The following JAKMIP3 variants were observed in gnomAD, a reference collection of about 807,000 sequenced individuals.
The protein encoded by JAKMIP3 is Janus kinase and microtubule interacting protein 3.
Under a neutral mutation model 118.5 loss-of-function variants are expected in JAKMIP3, and 58 were observed. The ratio of observed to expected loss-of-function variants is 0.49; its 90% CI spans 0.40 to 0.61. The LOEUF (loss-of-function observed/expected upper bound fraction) is 0.61. JAKMIP3 is among the 20% of genes least tolerant of loss of function. The pLI is 0.00. For synonymous variants in JAKMIP3, 486 were observed against 451.2 expected (o/e 1.08, Z -0.98); for missense variants, 950 against 1,109.0 (o/e 0.86, Z 2.04).
chr10:132,112,799 G>A lies in JAKMIP3; in HGVS notation c.136-4278G>A, dbSNP rs1165952519. On this transcript the variant is annotated intron_variant, in intron 2 of 23. Coordinates refer to ENST00000684848, the MANE Select transcript of JAKMIP3 (RefSeq NM_001323087.2). This position sits in a 1 kb window ranked among gnomAD's most constrained non-coding sequence, Gnocchi z 4.3. ...CCCCTTGGACACCGGCTCACATGGT[G>A]GACGCATCTGACTCTCCAGCCGCCG... Among the ~76,000 whole-genome samples, 1 of 152,108 alleles carries A rather than the reference G, an allele frequency of 6.6e-6. No individual in the cohort carries two copies. Among genetic ancestry groups the A allele is most frequent in the Non-Finnish European group, 1.5e-5 (1 of 68,020 alleles).
At chr10:132,128,411 T>G (rs1269304676) in intron 3 of JAKMIP3, among the ~76,000 whole-genome samples, 1 of 152,240 alleles carries the variant, frequency 6.6e-6, no homozygotes, top group African/African-American at 2.4e-5. Flanking sequence ...AAAATACTGC[T>G]TGGAGACAGC....
At position 132,071,058 on chromosome 10, in the gene JAKMIP3, G is replaced by A. The variant is rs146103015; in HGVS notation, c.-138+4997G>A. On this transcript the variant is annotated intron_variant, in intron 1 of 23. Transcript: ENST00000684848. ...TTTTTCTCTTTATACCACTTTAGCT[G>A]TGTCCTGCAACTTCTGGTATGTTGT... Among the ~76,000 whole-genome samples, 419 of 152,120 alleles carry A rather than the reference G, an allele frequency of 2.8e-3. 1 individual carries two copies. The highest frequency in any genetic ancestry group is 4.6e-3 in the Non-Finnish European group (312 of 68,002).
Position 132,136,190 on chromosome 10 carries a change from G to A in JAKMIP3, c.1116+114G>A, listed in dbSNP as rs538042237. 1.4e-5 allele frequency: 16 copies of A among 1,117,174 alleles called. No individual in the cohort carries two copies. In the African/African-American group the frequency reaches 2.2e-4, roughly 15 times the overall value. The allele number at this position is 1,117,174 out of a possible 1,614,324, so 69.2% of individuals were successfully genotyped here. On this transcript the variant is annotated intron_variant, in intron 6 of 23. Coordinates refer to ENST00000684848, the MANE Select transcript of JAKMIP3 (RefSeq NM_001323087.2). ...CAGCCGGTCCCGGGCGGGTGGCCAG[G>A]CCTTCTGCTGGAGTCTGGCCTCACG...
intron 1 of JAKMIP3, among the ~76,000 whole-genome samples, chr10:132,070,061 T>TG (rs1434081101): frequency 6.6e-6 from 1 of 151,312 alleles, no homozygotes; most frequent in African/African-American, 2.4e-5. Flanking sequence ...TACCACCCTG[T>TG]GGGGGCTTCG....
At chr10:132,150,612 A>T (rs1402175543) in intron 16 of JAKMIP3, among the ~76,000 whole-genome samples, 3 of 152,098 alleles carry the variant, frequency 2.0e-5, no homozygotes, top group Non-Finnish European at 4.4e-5. Flanking sequence ...TCTTATATCC[A>T]TCCATCTATC....
In JAKMIP3 at chr10:132,183,357, C is replaced by G. The variant is rs116423112; in HGVS notation, c.*2104C>G. ...CAACAGCTGCATGGGCCAGCTGTTT[C>G]GGATCTAAAGATGTGCAGTGAAACT... On this transcript the variant is annotated 3_prime_UTR_variant, in exon 24 of 24. Transcript: ENST00000684848. The G allele has an allele frequency of 1.3e-5, 2 of 152,214 alleles. No individual in the cohort carries two copies. Among genetic ancestry groups the G allele is most frequent in the African/African-American group, 4.8e-5 (2 of 41,454 alleles). 9.4% of individuals were successfully genotyped at this position (152,214 alleles called of 1,614,324 possible).
chr10:132,064,882 G>A (rs9419175), upstream of JAKMIP3, among the ~76,000 whole-genome samples: 5 of 152,074 alleles, frequency 3.3e-5, no homozygotes, highest in Non-Finnish European at 4.4e-5. This position sits in a 1 kb window ranked among gnomAD's most constrained non-coding sequence, Gnocchi z 4.4. Context: ...GATGCCTGCC[G>A]GTCTCAGCTT....
intron 1 of JAKMIP3, among the ~76,000 whole-genome samples, chr10:132,096,517 G>A (rs1489217096): frequency 6.6e-6 from 1 of 152,220 alleles, no homozygotes; most frequent in Non-Finnish European, 1.5e-5. Context: ...TCCACCCCAG[G>A]AAGTGCACTC....
At chr10:132,120,006 T>C (rs929646151) in intron 3 of JAKMIP3, among the ~76,000 whole-genome samples, 8 of 152,190 alleles carry the variant, frequency 5.3e-5, no homozygotes, top group Non-Finnish European at 1.0e-4. Context: ...CTCACGCTCT[T>C]CTCCAAGTTT....
intron 11 of JAKMIP3, among the ~76,000 whole-genome samples, chr10:132,142,927 G>A (rs1016060916): frequency 4.6e-5 from 7 of 152,062 alleles, no homozygotes; most frequent in East Asian, 1.9e-4. Context: ...GGTGGGGGAC[G>A]GACCTCTTGG....
At chr10:132,145,931 C>T (rs1214997095) in intron 13 of JAKMIP3, among the ~76,000 whole-genome samples, 5 of 152,296 alleles carry the variant, frequency 3.3e-5, no homozygotes, top group Non-Finnish European at 7.3e-5. Flanking sequence ...TAGAATCATC[C>T]CCCTGGGAAG....
intron 1 of JAKMIP3, among the ~76,000 whole-genome samples, chr10:132,043,939 C>A (rs1314233993): frequency 6.6e-6 from 1 of 152,178 alleles, no homozygotes; most frequent in Non-Finnish European, 1.5e-5. Flanking sequence ...CAATGAGATT[C>A]AAGATCTTTC....
In JAKMIP3 at chr10:132,184,051, ATGTAC is replaced by A. The variant is rs909560185; in HGVS notation, c.*2802_*2806del. ...GAAGGACCCTGAAATGTTGCCAGAA[ATGTAC>A]TGTTACATCAACATTTACATTATAT... On this transcript the variant is annotated 3_prime_UTR_variant, in exon 24 of 24. Coordinates refer to ENST00000684848, the MANE Select transcript of JAKMIP3 (RefSeq NM_001323087.2). 2 of 152,190 alleles carry A rather than the reference ATGTAC, an allele frequency of 1.3e-5. No individual in the cohort carries two copies. Among genetic ancestry groups the A allele is most frequent in the African/African-American group, 4.8e-5 (2 of 41,438 alleles). 9.4% of individuals were successfully genotyped at this position (152,190 alleles called of 1,614,324 possible). A position where few individuals can be genotyped will look rare whatever the true frequency, so the allele number is the denominator to read the frequency against.
At chr10:132,068,926 A>G (rs1019075055) in intron 1 of JAKMIP3, among the ~76,000 whole-genome samples, 1 of 152,178 alleles carries the variant, frequency 6.6e-6, no homozygotes, top group African/African-American at 2.4e-5. Context: ...GCCGGAATTC[A>G]AACCTAGGGA....
intron 19 of JAKMIP3, among the ~76,000 whole-genome samples, chr10:132,159,576 C>CCCTGTGTGATGCTGGGGGTCCTCTT (rs764347847): frequency 0.059 from 5,552 of 94,760 alleles, 449 homozygotes; most frequent in Middle Eastern, 0.1. Context: ...GGGCGTGTCT[C>CCCTGTGTGATGCTGGGGGTCCTCTT]CCTGTGTGAT....
intron 3 of JAKMIP3, 143 bp from the exon 4 acceptor site, chr10:132,133,169 A>G (rs1203271770): frequency 8.4e-6 from 6 of 712,220 alleles, no homozygotes; most frequent in East Asian, 2.7e-5. Context: ...GCCCAGGGCC[A>G]CGGGCTCCTG....
intron 1 of JAKMIP3, among the ~76,000 whole-genome samples, chr10:132,077,934 C>T (rs1301886062): frequency 6.6e-6 from 1 of 152,234 alleles, no homozygotes; most frequent in African/African-American, 2.4e-5. Context: ...GCCTCAGCCT[C>T]CTGAGTAGCT....
rs1211982086 is a variant in JAKMIP3 at position 132,149,477 on chromosome 10, C to T, written c.1914C>T (p.Pro638=). 1.9e-6 allele frequency: 3 copies of T among 1,604,148 alleles called. No individual in the cohort carries two copies. The highest frequency in any genetic ancestry group is 1.1e-5 in the South Asian group (1 of 89,340). ...CGCCCTTCGTGGACGGGAAGAGCCC[C>T]CTCCAGGTGTACTGCGAGGCCGAAG... ...HHTPFVDGKS[P]LQVYCEAEGV... Residue 638 remains proline (P), a synonymous_variant, in exon 15 of 24, where the codon CCC becomes CCT. Coordinates refer to ENST00000684848, the MANE Select transcript of JAKMIP3 (RefSeq NM_001323087.2).
intron 2 of JAKMIP3, among the ~76,000 whole-genome samples, chr10:132,105,339 T>C (rs976454902): frequency 1.3e-5 from 2 of 152,042 alleles, no homozygotes; most frequent in Non-Finnish European, 2.9e-5. Context: ...GGCTCTCACA[T>C]GGGAATAAAG....
Sources: gnomAD v4.1 joint callset for allele counts (sites outside exome capture counted in the v4.1 genomes callset) on GRCh38, gnomAD v4.1.1 for gene constraint, Gnocchi (gnomAD v3.1) non-coding constraint, MANE v1.5 for transcripts, NCBI Gene and HGNC (gene_info 2026-07-23, HGNC 2026-07-21) for gene names.